VAT1L: variants seen among roughly 807,000 people sequenced by gnomAD.
VAT1L encodes the protein vesicle amine transport 1 like.
In VAT1L, 34 loss-of-function variants were observed where a neutral mutation model predicts 44.1. The observed-to-expected ratio is 0.77, with a 90% CI of 0.59 to 1.03. VAT1L has a LOEUF of 1.03. VAT1L is among the 50% of genes least tolerant of loss of function. The probability of loss-of-function intolerance (pLI) is 0.00; values close to 1 mark genes in which losing one functional copy is unlikely to be tolerated. For missense variants in VAT1L, 615 were observed against 538.8 expected, an observed-to-expected ratio of 1.14 and a Z score of -1.40; for synonymous variants, 253 against 202.2, an observed-to-expected ratio of 1.25 and a Z score of -2.13.
At chr16:77,943,553 C>G (rs2017919573) in intron 7 of VAT1L, among the ~76,000 whole-genome samples, 1 of 151,430 alleles carries the variant, frequency 6.6e-6, no homozygotes, top group Admixed American at 6.6e-5. Flanking sequence ...GTGCCCGCCA[C>G]CACACCCGGC....
chr16:77,954,744 G>GT (rs2018083249), intron 7 of VAT1L, among the ~76,000 whole-genome samples: 1 of 152,230 alleles, frequency 6.6e-6, no homozygotes, highest in Non-Finnish European at 1.5e-5. Context: ...CCTTCTCACA[G>GT]TAGGCAGTCA....
intron 7 of VAT1L, among the ~76,000 whole-genome samples, chr16:77,912,330 T>TGGGGG (rs1271046185): frequency 6.6e-6 from 1 of 152,138 alleles, no homozygotes; most frequent in African/African-American, 2.4e-5. Context: ...TCATATAATA[T>TGGGGG]GAGTTCAATA....
intron 7 of VAT1L, among the ~76,000 whole-genome samples, chr16:77,937,790 G>A (rs1198840596): frequency 6.6e-6 from 1 of 152,168 alleles, no homozygotes; most frequent in East Asian, 1.9e-4. Context: ...TGAATCCCTT[G>A]AATTACATAA....
intron 3 of VAT1L, among the ~76,000 whole-genome samples, chr16:77,859,846 A>G (rs2016897988): frequency 6.6e-6 from 1 of 152,180 alleles, no homozygotes; most frequent in African/African-American, 2.4e-5. Context: ...ACACAGTAAG[A>G]GGAGTGTTAA....
chr16:77,969,351 G>A (rs1475512158), intron 7 of VAT1L, among the ~76,000 whole-genome samples: 1 of 151,812 alleles, frequency 6.6e-6, no homozygotes, highest in Non-Finnish European at 1.5e-5. Context: ...TGGTTCAAAT[G>A]CCTCTGACAA....
At chr16:77,795,603 T>C (rs2015915177) in intron 1 of VAT1L, among the ~76,000 whole-genome samples, 1 of 152,096 alleles carries the variant, frequency 6.6e-6, no homozygotes, top group African/African-American at 2.4e-5. Context: ...AGAGCAGGAA[T>C]GAAGGTGGAT....
chr16:77,794,936 C>T lies in VAT1L; in HGVS notation c.233+6021C>T, dbSNP rs1012834444. 4.6e-5 allele frequency among the ~76,000 whole-genome samples: 7 copies of T among 152,116 alleles called. No individual in the cohort carries two copies. The South Asian group carries it at 6.2e-4, about 14-fold the overall frequency. ...GAGGACTGGGGATGGTGACAATATC[C>T]GCTCTTTATCCAATAATGAAATGGG... On this transcript the variant is annotated intron_variant, in intron 1 of 8. Transcript: ENST00000302536.
At chr16:77,841,194 C>G (rs2145259712) in intron 3 of VAT1L, among the ~76,000 whole-genome samples, 1 of 152,328 alleles carries the variant, frequency 6.6e-6, no homozygotes, top group East Asian at 1.9e-4. Flanking sequence ...AATCCTCCCA[C>G]CTCAGTCTCC....
At chr16:77,850,027 T>G (rs2016793149) in intron 3 of VAT1L, among the ~76,000 whole-genome samples, 1 of 152,192 alleles carries the variant, frequency 6.6e-6, no homozygotes, top group South Asian at 2.1e-4. Flanking sequence ...AGAGGCCTTG[T>G]TAATGAGGTG....
intron 7 of VAT1L, among the ~76,000 whole-genome samples, chr16:77,948,915 A>G (rs1163299005): frequency 1.3e-5 from 2 of 152,170 alleles, no homozygotes; most frequent in African/African-American, 4.8e-5. Context: ...TTTGACACTT[A>G]GCATGCACTC....
intron 1 of VAT1L, among the ~76,000 whole-genome samples, chr16:77,796,369 T>G (rs76939149): frequency 0.02 from 3,051 of 152,194 alleles, 101 homozygotes; most frequent in African/African-American, 0.07. Context: ...GTACCTCAGC[T>G]TTTCATCTGA....
intron 7 of VAT1L, among the ~76,000 whole-genome samples, chr16:77,906,684 G>A (rs1307430723): frequency 2.6e-5 from 4 of 152,110 alleles, no homozygotes; most frequent in Non-Finnish European, 4.4e-5. Flanking sequence ...ACTAAGGGGG[G>A]AACGGTCACT....
intron 3 of VAT1L, among the ~76,000 whole-genome samples, chr16:77,841,234 C>T (rs1011081259): frequency 6.6e-6 from 1 of 152,138 alleles, no homozygotes; most frequent in South Asian, 2.1e-4. Context: ...GCTCATGCCA[C>T]CATACCCAGC....
intron 7 of VAT1L, among the ~76,000 whole-genome samples, chr16:77,892,112 G>A (rs2017272864): frequency 6.6e-6 from 1 of 152,274 alleles, no homozygotes; most frequent in East Asian, 1.9e-4. Context: ...GACAGAGAAG[G>A]TGGAATGGCC....
chr16:77,825,103 T>C (rs528788627), intron 2 of VAT1L, 143 bp from the exon 3 acceptor site: 10 of 793,666 alleles, frequency 1.3e-5, no homozygotes, highest in South Asian at 6.6e-5. Flanking sequence ...CTGATCTTGA[T>C]TGATTCACCC....
intron 7 of VAT1L, among the ~76,000 whole-genome samples, chr16:77,964,192 A>G (rs1375057653): frequency 6.6e-6 from 1 of 152,006 alleles, no homozygotes; most frequent in Non-Finnish European, 1.5e-5. Flanking sequence ...CCTGCTCTTC[A>G]GGTCTCACCC....
At chr16:77,871,054 T>G (rs1473183213) in intron 4 of VAT1L, among the ~76,000 whole-genome samples, 1 of 152,076 alleles carries the variant, frequency 6.6e-6, no homozygotes, top group Non-Finnish European at 1.5e-5. Flanking sequence ...TCAACAGAGG[T>G]GGAGCACTTT....
At chr16:77,908,033 G>A (rs2017456143) in intron 7 of VAT1L, among the ~76,000 whole-genome samples, 1 of 152,174 alleles carries the variant, frequency 6.6e-6, no homozygotes, top group African/African-American at 2.4e-5. Flanking sequence ...CAGGTCAGGA[G>A]ATTGAGACCA....
In VAT1L at chr16:77,903,930, G is replaced by A. The variant is rs564241452; in HGVS notation, c.1077+19128G>A. On this transcript the variant is annotated intron_variant, in intron 7 of 8. Transcript: ENST00000302536. ...TTTTTGTATTTTTAGTAAAGACAGG[G>A]TTTCACCATGTTAGCAAGGATGGTC... is the stretch of plus-strand genomic sequence containing the variant. Among the ~76,000 whole-genome samples the A allele has an allele frequency of 2.4e-3, 358 of 151,766 alleles. 2 individuals are homozygous for A. Among genetic ancestry groups the A allele is most frequent in the African/African-American group, 8.2e-3 (339 of 41,394 alleles).
Sources: gnomAD v4.1 joint callset for allele counts (sites outside exome capture counted in the v4.1 genomes callset) on GRCh38, gnomAD v4.1.1 for gene constraint, MANE v1.5 for transcripts, NCBI Gene and HGNC (gene_info 2026-07-23, HGNC 2026-07-21) for gene names.